The following RRAGD variants were observed in gnomAD, a reference collection of about 807,000 sequenced individuals.
RRAGD encodes Ras related GTP binding D, also known as ras-related GTP-binding protein D.
RRAGD carries 12 observed loss-of-function variants against 35.5 expected under a neutral mutation model. The ratio of observed to expected loss-of-function variants is 0.34; its 90% CI spans 0.22 to 0.55. The LOEUF is 0.55. RRAGD is among the 20% of genes least tolerant of loss of function. RRAGD has a pLI of 0.91. For missense variants in RRAGD, 324 were observed against 490.1 expected (o/e 0.66, Z 3.20); for synonymous variants, 155 against 178.9 (o/e 0.87, Z 1.07).
intron 4 of RRAGD, 111 bp downstream of exon 4, chr6:89,379,113 T>G (rs1768999609): frequency 1.8e-6 from 1 of 565,526 alleles, no homozygotes; most frequent in East Asian, 3.1e-5. Context: ...AAAGTAATAC[T>G]TAAATGACCT....
intron 1 of RRAGD, among the ~76,000 whole-genome samples, chr6:89,405,616 C>CT (rs1769564320): frequency 6.6e-6 from 1 of 152,080 alleles, no homozygotes; most frequent in Non-Finnish European, 1.5e-5. Context: ...CACTCCCCTT[C>CT]TTTTTTCCCA....
At chr6:89,384,792 C>T (rs377685801) in intron 2 of RRAGD, among the ~76,000 whole-genome samples, 14 of 141,842 alleles carry the variant, frequency 9.9e-5, no homozygotes, top group South Asian at 2.2e-4. Flanking sequence ...CCAGCTTAGG[C>T]GACAGAGCAA....
rs545560926 is a variant in RRAGD at position 89,405,226 on chromosome 6, C to T, written c.148+6620G>A. Among the ~76,000 whole-genome samples the T allele has an allele frequency of 2.0e-5, 3 of 151,840 alleles. 1 individual carries two copies. Among genetic ancestry groups the T allele is most frequent in the African/African-American group, 7.2e-5 (3 of 41,398 alleles). Reference sequence around the variant, plus strand: ...AAAATCAGCCAGGTGTGGCAGCGTGCGCCTGTAGTCCCAGCTGCTGGGGAG... The same window carrying T: ...AAAATCAGCCAGGTGTGGCAGCGTGTGCCTGTAGTCCCAGCTGCTGGGGAG... On this transcript the variant is annotated intron_variant, in intron 1 of 6. Coordinates refer to ENST00000369415, the MANE Select transcript of RRAGD (RefSeq NM_021244.5).
At chr6:89,397,283 A>G (rs1325682149) in intron 1 of RRAGD, among the ~76,000 whole-genome samples, 1 of 152,226 alleles carries the variant, frequency 6.6e-6, no homozygotes. Flanking sequence ...CACTGCTGGT[A>G]GAAATGTAAA....
Position 89,368,143 on chromosome 6 carries a change from C to T in RRAGD, c.1116G>A (p.Met372Ile). Reference protein sequence around the residue: ...KAIHEVFEVRMKVVKSRKVQN... With the variant: ...KAIHEVFEVRIKVVKSRKVQN... ...GAACCTTTCGAGATTTTACTACTTT[C>T]ATTCTCACCTCAAAAACTTCATGAA... The change falls in exon 7 of 7, where the codon ATG becomes ATA. Residue 372 changes from methionine (M) to isoleucine (I), a missense_variant. Coordinates refer to ENST00000369415, the MANE Select transcript of RRAGD (RefSeq NM_021244.5). 1.2e-6 allele frequency: 2 copies of T among 1,613,974 alleles called. No homozygotes were observed. Among genetic ancestry groups the T allele is most frequent in the Non-Finnish European group, 1.7e-6 (2 of 1,179,898 alleles).
chr6:89,402,566 C>T (rs1323022600), intron 1 of RRAGD, among the ~76,000 whole-genome samples: 1 of 152,136 alleles, frequency 6.6e-6, no homozygotes, highest in African/African-American at 2.4e-5. Flanking sequence ...GCCCTGGGTT[C>T]CTGACCTGGC....
intron 6 of RRAGD, 71 bp from the exon 7 acceptor site, chr6:89,368,278 G>A: frequency 1.2e-5 from 17 of 1,389,628 alleles, no homozygotes; most frequent in Non-Finnish European, 1.6e-5. Flanking sequence ...GGGACCCATG[G>A]CCAGGACAAG....
chr6:89,390,242 A>C (rs1769206763), intron 1 of RRAGD, among the ~76,000 whole-genome samples: 1 of 152,258 alleles, frequency 6.6e-6, no homozygotes, highest in Non-Finnish European at 1.5e-5. Context: ...CAACATACAG[A>C]ATGGGAGAAA....
At chr6:89,404,804 A>C (rs570062948) in intron 1 of RRAGD, among the ~76,000 whole-genome samples, 1 of 152,276 alleles carries the variant, frequency 6.6e-6, no homozygotes, top group Non-Finnish European at 1.5e-5. Context: ...GAGGGTTAGG[A>C]ATGCTTACAA....
intron 1 of RRAGD, among the ~76,000 whole-genome samples, chr6:89,397,405 G>T (rs1417691680): frequency 6.6e-6 from 1 of 152,072 alleles, no homozygotes; most frequent in East Asian, 1.9e-4. Flanking sequence ...AGAAATGAAA[G>T]TTTTTGTCCA....
intron 1 of RRAGD, among the ~76,000 whole-genome samples, chr6:89,393,746 G>A (rs868104306): frequency 6.6e-6 from 1 of 152,168 alleles, no homozygotes; most frequent in South Asian, 2.1e-4. Flanking sequence ...ATGTACACCT[G>A]AAGAAGCAGA....
chr6:89,382,702 C>T (rs1437074924), intron 2 of RRAGD, among the ~76,000 whole-genome samples: 3 of 151,434 alleles, frequency 2.0e-5, no homozygotes, highest in African/African-American at 7.3e-5. Flanking sequence ...GGTGAAACCC[C>T]GTCTCTACTA....
At chr6:89,406,043 A>C (rs1769571818) in intron 1 of RRAGD, among the ~76,000 whole-genome samples, 1 of 152,230 alleles carries the variant, frequency 6.6e-6, no homozygotes, top group Admixed American at 6.5e-5. Context: ...AGGCATAAAG[A>C]TTTTTGAAGG....
In RRAGD at chr6:89,387,555, T is replaced by C; in HGVS notation, c.184A>G (p.Lys62Glu). The C allele has an allele frequency of 6.2e-7, 1 of 1,614,014 alleles. No homozygotes were observed. The highest frequency in any genetic ancestry group is 1.3e-5 in the African/African-American group (1 of 74,904). ...AGGCCCATGAGCAGGATTCTCGGCT[T>C]CACTTCAGTGCTGAAGGGGTCACTG... is the stretch of plus-strand genomic sequence containing the variant. ...DFSDPFSTEV[K>E]PRILLMGLRR... is the part of the protein sequence containing the mutation. Residue 62 changes from lysine to glutamate, a missense_variant, in exon 2 of 7, where the codon AAG becomes GAG. Physicochemically the swap from Lys to Glu is moderately conservative, Grantham distance 56. This residue lies in a region of RRAGD where 7 missense variants were observed against 16.5 expected (regional missense o/e 0.42). Coordinates refer to ENST00000369415, the MANE Select transcript of RRAGD (RefSeq NM_021244.5).
chr6:89,372,468 G>C lies in RRAGD; in HGVS notation c.1020C>G (p.Cys340Trp), dbSNP rs148785358. 30 of 1,613,396 alleles carry C rather than the reference G, an allele frequency of 1.9e-5. No homozygotes were observed. Among genetic ancestry groups the C allele is most frequent in the Non-Finnish European group, 2.5e-5 (29 of 1,179,822 alleles). Residue 340 changes from cysteine to tryptophan, a missense_variant, in exon 6 of 7, where the codon TGC becomes TGG. Transcript: ENST00000369415. ...TTTCAAAGCTTTCCTCTCTGACAAA[G>C]CAAACGAGAGCCAGGAACTTTGTCA... ...KEVTKFLALVCFVREESFERK... is the reference protein window; with the variant it reads ...KEVTKFLALVWFVREESFERK...
At chr6:89,377,519 A>G (rs963045882) in intron 5 of RRAGD, 152 bp downstream of exon 5, 2 of 650,620 alleles carry the variant, frequency 3.1e-6, no homozygotes, top group African/African-American at 1.9e-5. Flanking sequence ...AATAACTGTT[A>G]TTATTGCATG....
intron 1 of RRAGD, among the ~76,000 whole-genome samples, chr6:89,406,295 C>T (rs886631085): frequency 3.3e-5 from 5 of 152,082 alleles, no homozygotes; most frequent in Admixed American, 1.3e-4. Flanking sequence ...TAGGGCTGCA[C>T]CCCCACAGGC....
chr6:89,403,125 G>T (rs1393646291), intron 1 of RRAGD, among the ~76,000 whole-genome samples: 1 of 152,142 alleles, frequency 6.6e-6, no homozygotes, highest in African/African-American at 2.4e-5. Context: ...CTCATGTTAG[G>T]TGTTTTTACC....
At chr6:89,409,634 C>T (rs774917768) in intron 1 of RRAGD, among the ~76,000 whole-genome samples, 4 of 152,226 alleles carry the variant, frequency 2.6e-5, no homozygotes, top group Non-Finnish European at 5.9e-5. Context: ...CCAATCCCCA[C>T]TCCCCAGACC....
Sources: allele counts gnomAD v4.1 joint callset (sites outside exome capture counted in the v4.1 genomes callset), GRCh38; gene constraint gnomAD v4.1.1; regional missense constraint gnomAD v4.1.1; transcripts MANE v1.5; gene names NCBI Gene and HGNC (gene_info 2026-07-23, HGNC 2026-07-21).